The following TTC27 variants were observed in gnomAD, a reference collection of about 807,000 sequenced individuals.
TTC27 encodes the protein tetratricopeptide repeat protein 27.
TTC27 carries 79 observed loss-of-function variants against 115.9 expected under a neutral mutation model. The observed-to-expected ratio is 0.68, with a 90% CI of 0.57 to 0.82. TTC27 has a LOEUF of 0.82. Ranked by LOEUF, TTC27 falls within the 40% of genes least tolerant of loss-of-function variation. The probability of loss-of-function intolerance (pLI) is 0.00; values close to 1 mark genes in which losing one functional copy is unlikely to be tolerated. For synonymous variants in TTC27, 401 were observed against 356.0 expected, an observed-to-expected ratio of 1.13 and a Z score of -1.42; for missense variants, 1,054 against 993.1, an observed-to-expected ratio of 1.06 and a Z score of -0.82.
intron 4 of TTC27, among the ~76,000 whole-genome samples, chr2:32,643,675 A>T (rs773615909): frequency 3.9e-5 from 6 of 152,040 alleles, no homozygotes; most frequent in Non-Finnish European, 8.8e-5. Flanking sequence ...TTCTAGTGAG[A>T]ACTTATGGTC....
chr2:32,661,042 T>A (rs1665528568), intron 5 of TTC27, among the ~76,000 whole-genome samples: 1 of 152,208 alleles, frequency 6.6e-6, no homozygotes, highest in Non-Finnish European at 1.5e-5. Context: ...TCCCTGTTGC[T>A]TGTTTTTGTC....
intron 13 of TTC27, among the ~76,000 whole-genome samples, chr2:32,759,893 G>T (rs1669376624): frequency 6.6e-6 from 1 of 152,150 alleles, no homozygotes; most frequent in South Asian, 2.1e-4. Flanking sequence ...TGTCCTGAAG[G>T]TTCCTTCATG....
At chr2:32,699,445 C>T (rs1390835251) in intron 9 of TTC27, among the ~76,000 whole-genome samples, 1 of 152,216 alleles carries the variant, frequency 6.6e-6, no homozygotes, top group African/African-American at 2.4e-5. Flanking sequence ...ATGGCTTGAG[C>T]TCTCACCAGC....
chr2:32,654,902 G>A (rs1040062879), intron 5 of TTC27, among the ~76,000 whole-genome samples: 1 of 151,682 alleles, frequency 6.6e-6, no homozygotes, highest in Non-Finnish European at 1.5e-5. Context: ...CACCATGTTG[G>A]CTAGGCTGGT....
intron 9 of TTC27, among the ~76,000 whole-genome samples, chr2:32,685,493 T>TATA (rs1280111606): frequency 6.6e-6 from 1 of 152,142 alleles, no homozygotes; most frequent in Non-Finnish European, 1.5e-5. Context: ...AACTATAAAA[T>TATA]TGGATAAAAT....
chr2:32,630,964 C>G (rs1664168640), intron 2 of TTC27, among the ~76,000 whole-genome samples: 1 of 151,892 alleles, frequency 6.6e-6, no homozygotes, highest in South Asian at 2.1e-4. Context: ...GTCTGGTCGG[C>G]TTTACCCACC....
intron 5 of TTC27, 46 bp from the exon 6 acceptor site, chr2:32,664,257 T>G (rs774099630): frequency 4.0e-6 from 6 of 1,516,534 alleles, no homozygotes; most frequent in Non-Finnish European, 4.5e-6. Context: ...ATTAATATAT[T>G]TTTCTTCTCA....
At chr2:32,633,244 CT>C in intron 2 of TTC27, among the ~76,000 whole-genome samples, 1 of 152,160 alleles carries the variant, frequency 6.6e-6, no homozygotes, top group East Asian at 1.9e-4. Context: ...TAGAAGTGCT[CT>C]CTATCTTCAT....
intron 5 of TTC27, among the ~76,000 whole-genome samples, chr2:32,654,995 CTT>C (rs34907715): frequency 7.2e-6 from 1 of 139,024 alleles, no homozygotes. Context: ...TGCGTCTGGC[CTT>C]TTTTTTTTTG....
chr2:32,739,811 GTATT>G (rs1668568171), intron 12 of TTC27, among the ~76,000 whole-genome samples: 1 of 152,112 alleles, frequency 6.6e-6, no homozygotes, highest in Non-Finnish European at 1.5e-5. Flanking sequence ...TACTCTTTTG[GTATT>G]TGGTCATGTG....
intron 4 of TTC27, among the ~76,000 whole-genome samples, chr2:32,648,007 A>C (rs527571646): frequency 2.0e-5 from 3 of 152,332 alleles, no homozygotes; most frequent in African/African-American, 7.2e-5. Flanking sequence ...ACACATGTAC[A>C]TATACACACA....
At chr2:32,728,733 G>T (rs1254975093) in intron 10 of TTC27, among the ~76,000 whole-genome samples, 1 of 152,162 alleles carries the variant, frequency 6.6e-6, no homozygotes. Context: ...CACAGCAACA[G>T]TGTTCTATGT....
intron 9 of TTC27, among the ~76,000 whole-genome samples, chr2:32,682,793 C>T (rs1365354921): frequency 3.4e-5 from 5 of 147,736 alleles, no homozygotes; most frequent in East Asian, 2.0e-4. Flanking sequence ...CTCAGCTTCC[C>T]GAGTAGCTGG....
chr2:32,723,904 A>T (rs1298282431), intron 10 of TTC27, among the ~76,000 whole-genome samples: 2 of 146,584 alleles, frequency 1.4e-5, no homozygotes, highest in East Asian at 4.2e-4. Context: ...GCCTCAAGTG[A>T]TCCTTCTGCC....
intron 18 of TTC27, among the ~76,000 whole-genome samples, chr2:32,812,920 T>C (rs1671365164): frequency 6.6e-6 from 1 of 152,212 alleles, no homozygotes; most frequent in Middle Eastern, 3.2e-3. Flanking sequence ...CACACTGAGT[T>C]TCACTGTATT....
At chr2:32,742,883 G>A (rs774346521) in intron 12 of TTC27, among the ~76,000 whole-genome samples, 3 of 152,172 alleles carry the variant, frequency 2.0e-5, no homozygotes, top group Non-Finnish European at 2.9e-5. Flanking sequence ...CCTTGTGTGT[G>A]TGTGCGCACA....
chr2:32,746,941 A>G (rs923639441), intron 12 of TTC27, among the ~76,000 whole-genome samples: 3 of 152,192 alleles, frequency 2.0e-5, no homozygotes, highest in Non-Finnish European at 4.4e-5. Context: ...GATCTCAGGG[A>G]GAAAGAATTA....
At chr2:32,642,402 C>A (rs538341501) in intron 4 of TTC27, among the ~76,000 whole-genome samples, 1 of 151,802 alleles carries the variant, frequency 6.6e-6, no homozygotes, top group Non-Finnish European at 1.5e-5. Flanking sequence ...CAGGCGCCCA[C>A]CACCACGTTT....
chr2:32,647,139 GTC>G (rs1388029535), intron 4 of TTC27, among the ~76,000 whole-genome samples: 2 of 151,774 alleles, frequency 1.3e-5, no homozygotes, highest in Admixed American at 1.3e-4. Flanking sequence ...TAGAAATGGG[GTC>G]TCTCTGTGTT....
Sources: gnomAD v4.1 joint callset for allele counts (sites outside exome capture counted in the v4.1 genomes callset) on GRCh38, gnomAD v4.1.1 for gene constraint, MANE v1.5 for transcripts, NCBI Gene and HGNC (gene_info 2026-07-23, HGNC 2026-07-21) for gene names.